KIAA0040: variants seen among roughly 807,000 people sequenced by gnomAD.
KIAA0040 encodes the protein KIAA0040, also known as uncharacterized protein KIAA0040.
A neutral mutation model predicts 7.2 loss-of-function variants in KIAA0040; 10 were observed. The observed-to-expected ratio is 1.38, with a 90% CI of 0.85 to 2.34. The LOEUF (loss-of-function observed/expected upper bound fraction) is 2.34, where lower values mean the gene tolerates loss of function less well. Among genes scored for constraint, KIAA0040 ranks in the 30% most tolerant of loss-of-function variants. The pLI, the probability that KIAA0040 is intolerant of heterozygous loss-of-function variation, is 0.00. For missense variants in KIAA0040, 89 were observed against 108.2 expected (o/e 0.82, Z 0.79); for synonymous variants, 49 against 40.1 (o/e 1.22, Z -0.84).
At chr1:175,168,621 C>T (rs1034287870) in intron 2 of KIAA0040, among the ~76,000 whole-genome samples, 4 of 126,122 alleles carry the variant, frequency 3.2e-5, no homozygotes, top group Admixed American at 2.3e-4. Context: ...TGGTTGATTA[C>T]CTTACTTTAT....
chr1:175,186,069 G>C (rs186375645), intron 1 of KIAA0040, among the ~76,000 whole-genome samples: 182 of 152,286 alleles, frequency 1.2e-3, no homozygotes, highest in African/African-American at 4.2e-3. Context: ...AATGGTTATG[G>C]GTTTTTATTT....
intron 1 of KIAA0040, among the ~76,000 whole-genome samples, chr1:175,182,883 G>C (rs548305944): frequency 6.6e-6 from 1 of 152,350 alleles, no homozygotes; most frequent in East Asian, 1.9e-4. Flanking sequence ...CAGGCACCCT[G>C]TAGGCATCTG....
chr1:175,177,421 C>CT (rs2101897611), intron 2 of KIAA0040, among the ~76,000 whole-genome samples, 190 bp downstream of exon 2: 1 of 152,300 alleles, frequency 6.6e-6, no homozygotes, highest in Non-Finnish European at 1.5e-5. Context: ...CTTGAAGTGC[C>CT]TAATAGGGGT....
intron 2 of KIAA0040, among the ~76,000 whole-genome samples, chr1:175,172,966 G>T (rs1235896621): frequency 6.6e-6 from 1 of 152,198 alleles, no homozygotes; most frequent in African/African-American, 2.4e-5. Context: ...ACATCCATTT[G>T]TGAAATAATT....
chr1:175,168,654 G>A (rs771587214), intron 2 of KIAA0040, among the ~76,000 whole-genome samples: 12 of 152,202 alleles, frequency 7.9e-5, no homozygotes, highest in Non-Finnish European at 1.2e-4. Flanking sequence ...TGGGACCAAA[G>A]AGACTGCATC....
rs1407358164 is a variant in KIAA0040, at chr1:175,158,819, C to A, written c.*1895G>T. 3 of 152,052 alleles carry A rather than the reference C, an allele frequency of 2.0e-5. No individual in the cohort carries two copies. The highest frequency in any genetic ancestry group is 6.6e-5 in the Admixed American group (1 of 15,254). 9.4% of individuals were successfully genotyped at this position (152,052 alleles called of 1,614,324 possible). A position where few individuals can be genotyped will look rare whatever the true frequency, so the allele number is the denominator to read the frequency against. On this transcript the variant is annotated 3_prime_UTR_variant, in exon 4 of 4. Coordinates refer to ENST00000423313, the MANE Select transcript of KIAA0040 (RefSeq NM_014656.3). Reference sequence around the variant, plus strand: ...AATGTGACTGGCTATAAAATATATGCAGGTTTAAATTATGATTCACAGGGT... The same window carrying A: ...AATGTGACTGGCTATAAAATATATGAAGGTTTAAATTATGATTCACAGGGT...
At chr1:175,189,205 C>A (rs1677776662) in intron 1 of KIAA0040, among the ~76,000 whole-genome samples, 1 of 152,300 alleles carries the variant, frequency 6.6e-6, no homozygotes, top group South Asian at 2.1e-4. Context: ...GCATAACATT[C>A]CAACTTCATG....
At position 175,158,338 on chromosome 1, in the gene KIAA0040, T is replaced by G. The variant is rs192989478; in HGVS notation, c.*2376A>C. 1 of 152,172 alleles carries G rather than the reference T, an allele frequency of 6.6e-6. No homozygotes were observed. The highest frequency in any genetic ancestry group is 1.5e-5 in the Non-Finnish European group (1 of 68,038). The allele number at this position is 152,172 out of a possible 1,614,324, so 9.4% of individuals were successfully genotyped here. On this transcript the variant is annotated 3_prime_UTR_variant, in exon 4 of 4. Transcript: ENST00000423313. The stretch of plus-strand genomic sequence containing the variant: ...TTGGATTAGGAGACAGCAGGGACAT[T>G]GTGCCTGGAGATAGAGGCCTTGTCA...
At chr1:175,168,060 G>A (rs550674132) in intron 2 of KIAA0040, among the ~76,000 whole-genome samples, 1 of 152,160 alleles carries the variant, frequency 6.6e-6, no homozygotes, top group Non-Finnish European at 1.5e-5. Flanking sequence ...CTGTGGTTAC[G>A]ATAATATCAC....
intron 1 of KIAA0040, among the ~76,000 whole-genome samples, chr1:175,183,769 T>G (rs753943154): frequency 6.6e-6 from 1 of 152,172 alleles, no homozygotes; most frequent in Non-Finnish European, 1.5e-5. Flanking sequence ...ATCCCAGGAA[T>G]GGGCTTTTCT....
intron 2 of KIAA0040, among the ~76,000 whole-genome samples, chr1:175,172,122 C>T (rs1340206071): frequency 1.3e-5 from 2 of 152,140 alleles, no homozygotes; most frequent in African/African-American, 2.4e-5. Context: ...CTCTTTTCAT[C>T]CCTAATTATC....
intron 1 of KIAA0040, among the ~76,000 whole-genome samples, chr1:175,180,342 G>C (rs1677387946): frequency 6.6e-6 from 1 of 152,198 alleles, no homozygotes; most frequent in African/African-American, 2.4e-5. Flanking sequence ...CATGTTTATA[G>C]ATGAAGAAGC....
At chr1:175,191,387 T>C (rs934721691) in intron 1 of KIAA0040, among the ~76,000 whole-genome samples, 14 of 152,360 alleles carry the variant, frequency 9.2e-5, no homozygotes, top group Admixed American at 2.6e-4. Flanking sequence ...AAAGAAACTT[T>C]TGTTTTACAA....
At chr1:175,190,814 A>G (rs779183917) in intron 1 of KIAA0040, among the ~76,000 whole-genome samples, 6 of 151,848 alleles carry the variant, frequency 4.0e-5, no homozygotes, top group Non-Finnish European at 8.8e-5. Flanking sequence ...CTGCTTAAAA[A>G]CTCAAAAATG....
At position 175,166,355 on chromosome 1, in the gene KIAA0040, G is replaced by A. The variant is rs866837933; in HGVS notation, c.-134+207C>T. Among the ~76,000 whole-genome samples, 7 of 152,316 alleles carry A rather than the reference G, an allele frequency of 4.6e-5. No homozygotes were observed. In the South Asian group the frequency reaches 1.2e-3, roughly 27 times the overall value. Reference sequence around the variant, plus strand: ...TTAAAAATACAGATTCCTGCAGCCTGCTCCTGGAGACTCTGATTCAGTCGG... The same window carrying A: ...TTAAAAATACAGATTCCTGCAGCCTACTCCTGGAGACTCTGATTCAGTCGG... On this transcript the variant is annotated intron_variant, in intron 3 of 3. Transcript: ENST00000423313.
chr1:175,170,423 C>T (rs1426278906), intron 2 of KIAA0040, among the ~76,000 whole-genome samples: 2 of 152,166 alleles, frequency 1.3e-5, no homozygotes, highest in African/African-American at 4.8e-5. Context: ...CCCTGCGCAA[C>T]CCTCGCTTGG....
chr1:175,184,259 A>C (rs1677565169), intron 1 of KIAA0040, among the ~76,000 whole-genome samples: 1 of 152,182 alleles, frequency 6.6e-6, no homozygotes, highest in South Asian at 2.1e-4. Flanking sequence ...ACCTTAACTG[A>C]AATGAGAAAT....
At chr1:175,184,550 G>T (rs1677580819) in intron 1 of KIAA0040, among the ~76,000 whole-genome samples, 1 of 152,306 alleles carries the variant, frequency 6.6e-6, no homozygotes, top group African/African-American at 2.4e-5. Context: ...TTGAAACATA[G>T]GACCCAGGCA....
In KIAA0040 at chr1:175,176,999, C is replaced by T. The variant is rs140281088; in HGVS notation, c.-310+612G>A. ...ACACAGGGTTCCCTTAGCCTCATCC[C>T]CTCATTCTTTCCCATCCACCACCTC... On this transcript the variant is annotated intron_variant, in intron 2 of 3. Transcript: ENST00000423313. Among the ~76,000 whole-genome samples, 48 of 152,300 alleles carry T rather than the reference C, an allele frequency of 3.2e-4. No individual in the cohort carries two copies. In the East Asian group the frequency reaches 6.8e-3, roughly 22 times the overall value.
Sources: allele counts gnomAD v4.1 joint callset (sites outside exome capture counted in the v4.1 genomes callset), GRCh38; gene constraint gnomAD v4.1.1; transcripts MANE v1.5; gene names NCBI Gene and HGNC (gene_info 2026-07-23, HGNC 2026-07-21).